The following MICU3 variants were observed in gnomAD, a reference collection of about 807,000 sequenced individuals.
MICU3 encodes the protein mitochondrial calcium uptake 3, also known as calcium uptake protein 3, mitochondrial.
In MICU3, 62 loss-of-function variants were observed where a neutral mutation model predicts 66.5. The observed-to-expected ratio is 0.93, with a 90% CI of 0.76 to 1.15. The LOEUF is 1.15. Ranked by LOEUF, MICU3 falls within the 50% of genes most tolerant of loss-of-function variation. MICU3 has a pLI of 0.00. For missense variants in MICU3, 779 were observed against 664.4 expected (o/e 1.17, Z -1.90); for synonymous variants, 308 against 240.7 (o/e 1.28, Z -2.59).
the MICU3 span, chr8:17,133,148 A>G: frequency 6.6e-6 from 1 of 152,246 alleles, no homozygotes; most frequent in African/African-American, 2.4e-5. Flanking sequence ...GACTAAGACA[A>G]ATATAATAGA....
At chr8:17,049,581 AC>A (rs370587926) in intron 1 of MICU3, 9 of 518,350 alleles carry the variant, frequency 1.7e-5, no homozygotes, top group African/African-American at 1.7e-4. Flanking sequence ...TCCCAAGGTA[AC>A]CTAACTAGGA....
intron 2 of MICU3, among the ~76,000 whole-genome samples, chr8:17,069,255 A>G (rs115831455): frequency 0.011 from 1,652 of 152,202 alleles, 27 homozygotes; most frequent in African/African-American, 0.037. Context: ...GAATTACGTC[A>G]TGGAACACTA....
rs17501986 is a variant in MICU3, at chr8:17,121,607, A to C, written c.*1320A>C. ...GTAGGTTACATACACTCCAACTATT[A>C]CTTTGCTTTTGCATATGAAACTAGA... On this transcript the variant is annotated 3_prime_UTR_variant, in exon 15 of 15. Coordinates refer to ENST00000318063, the MANE Select transcript of MICU3 (RefSeq NM_181723.3). The C allele has an allele frequency of 0.036, 5,493 of 152,296 alleles. 155 individuals carry two copies. Among genetic ancestry groups the C allele is most frequent in the South Asian group, 0.053 (256 of 4,824 alleles). 9.4% of individuals were successfully genotyped at this position (152,296 alleles called of 1,614,324 possible).
rs944693603 is a variant in MICU3 at position 17,122,260 on chromosome 8, T to C, written c.*1973T>C. 3.3e-5 allele frequency: 5 copies of C among 151,846 alleles called. No individual in the cohort carries two copies. The highest frequency in any genetic ancestry group is 5.9e-5 in the Non-Finnish European group (4 of 67,756). The allele number at this position is 151,846 out of a possible 1,614,324, so 9.4% of individuals were successfully genotyped here. ...AGAAAAGAAAGTAAATTACAGTGAT[T>C]TCCATCATATTATCACTCTTGAATT... On this transcript the variant is annotated 3_prime_UTR_variant, in exon 15 of 15. Coordinates refer to ENST00000318063, the MANE Select transcript of MICU3 (RefSeq NM_181723.3).
intron 7 of MICU3, among the ~76,000 whole-genome samples, chr8:17,088,274 A>AT (rs1799678257): frequency 6.6e-6 from 1 of 151,944 alleles, no homozygotes; most frequent in African/African-American, 2.4e-5. Context: ...GTTCATTGTA[A>AT]TGTTAGTCAA....
chr8:17,109,590 A>T (rs1265745336), intron 11 of MICU3, among the ~76,000 whole-genome samples: 1 of 152,204 alleles, frequency 6.6e-6, no homozygotes, highest in Non-Finnish European at 1.5e-5. Flanking sequence ...TGTAGACTAT[A>T]AAAAGCTTAT....
chr8:17,061,086 A>G (rs773760796), intron 1 of MICU3, among the ~76,000 whole-genome samples: 5 of 152,110 alleles, frequency 3.3e-5, no homozygotes, highest in African/African-American at 4.8e-5. Context: ...CATGGGATGG[A>G]TTAGAGGTAA....
Position 17,027,544 on chromosome 8 carries a change from C to T in MICU3, c.265C>T (p.Pro89Ser), listed in dbSNP as rs1585124239. 4 of 1,280,970 alleles carry T rather than the reference C, an allele frequency of 3.1e-6. No individual in the cohort carries two copies. The highest frequency in any genetic ancestry group is 3.9e-6 in the Non-Finnish European group (4 of 1,016,288). 79.4% of individuals were successfully genotyped at this position (1,280,970 alleles called of 1,614,324 possible). Residue 89 changes from proline (P) to serine (S), a missense_variant, in exon 1 of 15, where the codon CCC becomes TCC. Transcript: ENST00000318063. The stretch of plus-strand genomic sequence containing the variant: ...GGTATGCTACCAGCTGTACGGGGAC[C>T]CCAGGGCCGGCTCGCCGGCGACCGG... ...GLVCYQLYGD[P>S]RAGSPATGRP... is the part of the protein sequence containing the mutation.
At chr8:17,095,699 T>G (rs1201356133) in intron 8 of MICU3, among the ~76,000 whole-genome samples, 2 of 151,810 alleles carry the variant, frequency 1.3e-5, no homozygotes, top group Non-Finnish European at 2.9e-5. Flanking sequence ...TCTAAATCAA[T>G]CTTCTTTCCT....
intron 1 of MICU3, among the ~76,000 whole-genome samples, chr8:17,039,717 T>G (rs969759834): frequency 1.3e-5 from 2 of 152,020 alleles, no homozygotes; most frequent in Non-Finnish European, 2.9e-5. Context: ...TAGTAATTTT[T>G]GAGAAATGAA....
chr8:17,107,157 G>A (rs563801777), intron 11 of MICU3, among the ~76,000 whole-genome samples: 1 of 152,216 alleles, frequency 6.6e-6, no homozygotes, highest in South Asian at 2.1e-4. Context: ...TTAGTGGAGA[G>A]ACAAACAAGT....
chr8:17,090,986 T>A (rs540236388), intron 8 of MICU3, among the ~76,000 whole-genome samples: 26 of 152,248 alleles, frequency 1.7e-4, no homozygotes, highest in Middle Eastern at 3.4e-3. Context: ...TCAATTCTAA[T>A]AAGTGTCTTA....
intron 12 of MICU3, among the ~76,000 whole-genome samples, chr8:17,115,509 G>A (rs1320468588): frequency 6.6e-6 from 1 of 152,104 alleles, no homozygotes; most frequent in Admixed American, 6.5e-5. Context: ...GAAAAAAATT[G>A]ATGGTGTCAC....
chr8:17,063,505 G>A (rs1006540561), intron 1 of MICU3, among the ~76,000 whole-genome samples: 1 of 152,080 alleles, frequency 6.6e-6, no homozygotes, highest in Non-Finnish European at 1.5e-5. Context: ...ACAAGGAAAG[G>A]TCTTGAAGGA....
chr8:17,110,397 A>G (rs1802085664), intron 11 of MICU3, among the ~76,000 whole-genome samples: 1 of 151,960 alleles, frequency 6.6e-6, no homozygotes, highest in African/African-American at 2.4e-5. Context: ...TAAGCCCCGT[A>G]CCTATGATGC....
At chr8:17,032,587 T>G (rs748033935) in intron 1 of MICU3, among the ~76,000 whole-genome samples, 24 of 152,250 alleles carry the variant, frequency 1.6e-4, no homozygotes, top group Admixed American at 5.9e-4. Context: ...TCATACATTA[T>G]TAAGTTTCCT....
In MICU3 at chr8:17,090,546, C is replaced by T. The variant is rs755116160; in HGVS notation, c.850C>T (p.Arg284Cys). 14 of 1,610,756 alleles carry T rather than the reference C, an allele frequency of 8.7e-6. No homozygotes were observed. The South Asian group carries it at 1.4e-4, about 17-fold the overall frequency. ...KGDEEKRAML[R>C]LQLYGYHSPT... ...TTTGGCCCTTTGTGCTCTATGTCAG[C>T]GTCTTCAACTTTATGGATACCATTC... The change falls in exon 8 of 15, where the codon CGT (arginine) becomes TGT (cysteine). Residue 284 changes from arginine (R) to cysteine (C), a missense_variant and splice_region_variant. Arg to Cys is a radical substitution (Grantham distance 180, BLOSUM62 -3). Transcript: ENST00000318063.
the MICU3 span, among the ~76,000 whole-genome samples, chr8:17,130,503 A>T: frequency 1.3e-5 from 2 of 151,688 alleles, no homozygotes; most frequent in East Asian, 3.9e-4. Context: ...TGGGAGCAAG[A>T]CTCTGTCTCA....
chr8:17,104,252 T>C (rs1801531006), intron 9 of MICU3, 139 bp from the exon 10 acceptor site: 2 of 403,910 alleles, frequency 5.0e-6, no homozygotes, highest in South Asian at 2.4e-4. Flanking sequence ...TTAATATGCC[T>C]GTGTTTTTCA....
Sources: allele counts gnomAD v4.1 joint callset (sites outside exome capture counted in the v4.1 genomes callset), GRCh38; gene constraint gnomAD v4.1.1; transcripts MANE v1.5; gene names NCBI Gene and HGNC (gene_info 2026-07-23, HGNC 2026-07-21).